GPR89A: variants seen among roughly 807,000 people sequenced by gnomAD.
GPR89A encodes G protein-coupled receptor 89A.
In GPR89A, 16 loss-of-function variants were observed where a neutral mutation model predicts 52.0. The ratio of observed to expected loss-of-function variants is 0.31; its 90% CI spans 0.21 to 0.47. GPR89A has a LOEUF of 0.47. GPR89A is among the 20% of genes least tolerant of loss of function. GPR89A has a pLI of 1.00. For missense variants in GPR89A, 135 were observed against 449.4 expected (o/e 0.30, Z 6.33); for synonymous variants, 55 against 150.9 (o/e 0.36, Z 4.66).
chr1:145,650,233 A>G (rs1459651207), intron 10 of GPR89A, among the ~76,000 whole-genome samples: 4 of 148,618 alleles, frequency 2.7e-5, no homozygotes, highest in African/African-American at 9.9e-5. Flanking sequence ...AGAACATGTG[A>G]TATTTGGTTT....
intron 5 of GPR89A, among the ~76,000 whole-genome samples, chr1:145,628,463 C>T: frequency 6.6e-6 from 1 of 151,846 alleles, no homozygotes; most frequent in Middle Eastern, 3.4e-3. Context: ...AACTTATTAC[C>T]ATAGTGTCGT....
chr1:145,641,983 A>G (rs1385431996), intron 7 of GPR89A, among the ~76,000 whole-genome samples: 3 of 151,776 alleles, frequency 2.0e-5, no homozygotes, highest in East Asian at 1.9e-4. Flanking sequence ...GAATTAATAG[A>G]TTCTTGATAC....
chr1:145,660,067 C>T (rs1652091310), intron 10 of GPR89A, among the ~76,000 whole-genome samples: 1 of 151,960 alleles, frequency 6.6e-6, no homozygotes, highest in Non-Finnish European at 1.5e-5. Flanking sequence ...ATTTGTCTCT[C>T]TGTTTGTCTG....
intron 5 of GPR89A, among the ~76,000 whole-genome samples, chr1:145,629,835 A>G (rs1649773957): frequency 6.6e-6 from 1 of 152,140 alleles, no homozygotes; most frequent in Admixed American, 6.5e-5. Flanking sequence ...GGAGGCCAGT[A>G]GTCAGAAAAG....
At position 145,662,084 on chromosome 1, in the gene GPR89A, A is replaced by G. The variant is rs1227656748; in HGVS notation, c.910-1245A>G. Among the ~76,000 whole-genome samples, 7 of 152,162 alleles carry G rather than the reference A, an allele frequency of 4.6e-5. No homozygotes were observed. The East Asian group carries it at 1.2e-3, about 25-fold the overall frequency. On this transcript the variant is annotated intron_variant, in intron 10 of 13. Transcript: ENST00000313835. Reference sequence around the variant, plus strand: ...AATGTCTTACCTGTATGTGAGTAGAATATGTATTGTGCTCTTGTTGGCAGG... The same window carrying G: ...AATGTCTTACCTGTATGTGAGTAGAGTATGTATTGTGCTCTTGTTGGCAGG...
intron 7 of GPR89A, among the ~76,000 whole-genome samples, chr1:145,634,570 A>G (rs1650093718): frequency 1.3e-5 from 2 of 150,688 alleles, no homozygotes. Context: ...AATCTATATC[A>G]CAGTGTATAA....
At chr1:145,663,170 A>G (rs1553695898) in intron 10 of GPR89A, among the ~76,000 whole-genome samples, 159 bp from the exon 11 acceptor site, 1 of 152,070 alleles carries the variant, frequency 6.6e-6, no homozygotes, top group African/African-American at 2.4e-5. Context: ...TATCCAAAAT[A>G]GATTTCCTAT....
chr1:145,653,302 T>C (rs1163126531), intron 10 of GPR89A, among the ~76,000 whole-genome samples: 37 of 143,960 alleles, frequency 2.6e-4, no homozygotes, highest in Admixed American at 4.9e-4. Context: ...AGTTTCTTAG[T>C]CTTGAGTTCT....
intron 1 of GPR89A, chr1:145,611,629 C>T (rs1648287469): frequency 6.6e-6 from 1 of 151,030 alleles, no homozygotes; most frequent in Non-Finnish European, 1.5e-5. Context: ...CCCCTCCCCA[C>T]CATATAAACT....
chr1:145,636,006 C>T (rs1343555720), intron 7 of GPR89A, among the ~76,000 whole-genome samples: 4 of 151,892 alleles, frequency 2.6e-5, no homozygotes, highest in Non-Finnish European at 5.9e-5. Context: ...TGTATACATA[C>T]TTTTAAGCCA....
intron 11 of GPR89A, among the ~76,000 whole-genome samples, chr1:145,665,205 G>A (rs1339785853): frequency 6.6e-6 from 1 of 151,902 alleles, no homozygotes; most frequent in Non-Finnish European, 1.5e-5. Context: ...ACTTGCTGCC[G>A]GGCATGGTGA....
intron 8 of GPR89A, chr1:145,645,468 T>C (rs2624749): frequency 1.7e-5 from 7 of 410,044 alleles, no homozygotes; most frequent in Middle Eastern, 8.3e-4. Flanking sequence ...CATATCAGGA[T>C]TATTTAACCT....
chr1:145,667,666 T>G (rs1240748359), intron 12 of GPR89A, among the ~76,000 whole-genome samples: 2 of 152,234 alleles, frequency 1.3e-5, no homozygotes, highest in Non-Finnish European at 2.9e-5. Context: ...TCCTGAATGT[T>G]ATTGCCTAGG....
chr1:145,668,970 G>A (rs1553696955), intron 12 of GPR89A, among the ~76,000 whole-genome samples: 1 of 151,876 alleles, frequency 6.6e-6, no homozygotes, highest in Non-Finnish European at 1.5e-5. Context: ...GATTCAGTTT[G>A]CCAGTATTTT....
intron 10 of GPR89A, among the ~76,000 whole-genome samples, chr1:145,649,027 A>G (rs1451366689): frequency 1.4e-5 from 2 of 142,332 alleles, no homozygotes; most frequent in African/African-American, 2.6e-5. Context: ...GATGGTCTCG[A>G]TCTCCTGACC....
rs1422783974 is a variant in GPR89A, at chr1:145,646,230, C to G, written c.774C>G (p.Ser258Arg). The change falls in exon 9 of 14, where the codon AGC becomes AGG. Residue 258 changes from serine (S) to arginine (R), a missense_variant. This residue lies in a region of GPR89A where 23 missense variants were observed against 42.2 expected (regional missense o/e 0.54). Coordinates refer to ENST00000313835, the MANE Select transcript of GPR89A (RefSeq NM_001097612.2). ...AAGTGGATGCTTTGGAAGAATTAAGCAGGCAGCTTTTTCTGGAAACAGCTG... is the reference window on the plus strand; with the variant it reads ...AAGTGGATGCTTTGGAAGAATTAAGGAGGCAGCTTTTTCTGGAAACAGCTG... ...QQEVDALEEL[S>R]RQLFLETADL... 14 of 1,612,298 alleles carry G rather than the reference C, an allele frequency of 8.7e-6. No homozygotes were observed. The highest frequency in any genetic ancestry group is 1.3e-5 in the African/African-American group (1 of 74,668).
chr1:145,660,982 T>C (rs1428971063), intron 10 of GPR89A, among the ~76,000 whole-genome samples: 1 of 152,102 alleles, frequency 6.6e-6, no homozygotes, highest in Non-Finnish European at 1.5e-5. Flanking sequence ...CTATAAATCA[T>C]GCTGCTATAA....
intron 9 of GPR89A, chr1:145,646,558 A>G (rs770148183): frequency 8.1e-5 from 36 of 442,044 alleles, no homozygotes; most frequent in Non-Finnish European, 1.4e-4. Context: ...CTAACCTGGG[A>G]TAAAGATGGT....
At chr1:145,619,732 T>G (rs1478590076) in intron 3 of GPR89A, among the ~76,000 whole-genome samples, 4 of 150,700 alleles carry the variant, frequency 2.7e-5, no homozygotes, top group African/African-American at 9.8e-5. Flanking sequence ...AATCCAAACC[T>G]TGGCCGGGCA....
Sources: gnomAD v4.1 joint callset for allele counts (sites outside exome capture counted in the v4.1 genomes callset) on GRCh38, gnomAD v4.1.1 for gene constraint, gnomAD v4.1.1 regional missense constraint, MANE v1.5 for transcripts, NCBI Gene and HGNC (gene_info 2026-07-23, HGNC 2026-07-21) for gene names.